Variants in TMEM63C observed in about 807,000 individuals in gnomAD.
TMEM63C encodes the protein osmosensitive cation channel TMEM63C.
In TMEM63C, 32 loss-of-function variants were observed where a neutral mutation model predicts 99.2. The ratio of observed to expected loss-of-function variants is 0.32; its 90% CI spans 0.24 to 0.43. The LOEUF (loss-of-function observed/expected upper bound fraction) is 0.43. Among genes scored for constraint, TMEM63C ranks in the 20% least tolerant of loss-of-function variants. The pLI is 1.00. For missense variants in TMEM63C, 826 were observed against 1,053.0 expected, an observed-to-expected ratio of 0.78 and a Z score of 2.98; for synonymous variants, 376 against 397.9, an observed-to-expected ratio of 0.94 and a Z score of 0.66.
At chr14:77,243,102 A>C in intron 15 of TMEM63C, 46 bp downstream of exon 15, 1 of 1,607,128 alleles carries the variant, frequency 6.2e-7, no homozygotes, top group Non-Finnish European at 8.5e-7. Flanking sequence ...AGGGAGATCA[A>C]GGAATAATTC....
rs1003229205 is a variant in TMEM63C at position 77,237,172 on chromosome 14, A to G, written c.651+440A>G. ...CCCAGGGACTCTTGGACTTCCCACC[A>G]TCTGAAAACTAAAGGATTAACAAGG... On this transcript the variant is annotated intron_variant, in intron 9 of 23. Coordinates refer to ENST00000298351, the MANE Select transcript of TMEM63C (RefSeq NM_020431.4). 2.6e-5 allele frequency among the ~76,000 whole-genome samples: 4 copies of G among 151,846 alleles called. No homozygotes were observed. In the Middle Eastern group the frequency reaches 0.01, roughly 387 times the overall value.
At position 77,212,962 on chromosome 14, in the gene TMEM63C, G is replaced by A. The variant is rs1327391058; in HGVS notation, c.-76-484G>A. On this transcript the variant is annotated intron_variant, in intron 1 of 23. Transcript: ENST00000298351. Reference sequence around the variant, plus strand: ...TCCTCTCCCTAACCCCAAAGGCTGGGATGTGAACTCCCTAGAGAGGACCTC... The same window carrying A: ...TCCTCTCCCTAACCCCAAAGGCTGGAATGTGAACTCCCTAGAGAGGACCTC... 4.6e-5 allele frequency among the ~76,000 whole-genome samples: 7 copies of A among 152,214 alleles called. No homozygotes were observed. The South Asian group carries it at 8.3e-4, about 18-fold the overall frequency.
At chr14:77,243,099 T>C (rs1421483082) in intron 15 of TMEM63C, 43 bp downstream of exon 15, 19 of 1,606,346 alleles carry the variant, frequency 1.2e-5, no homozygotes, top group Non-Finnish European at 1.6e-5. Flanking sequence ...CCCAGGGAGA[T>C]CAAGGAATAA....
chr14:77,241,367 C>A (rs1011379009), intron 13 of TMEM63C, among the ~76,000 whole-genome samples: 2 of 152,230 alleles, frequency 1.3e-5, no homozygotes, highest in Non-Finnish European at 2.9e-5. Flanking sequence ...CCTCTCTTCT[C>A]TGCCCCAGCC....
At chr14:77,245,765 C>T (rs552901252) in intron 16 of TMEM63C, among the ~76,000 whole-genome samples, 175 bp from the exon 17 acceptor site, 11 of 152,352 alleles carry the variant, frequency 7.2e-5, no homozygotes, top group Middle Eastern at 3.4e-3. Flanking sequence ...ATTCAATCAT[C>T]TCCCACTGGG....
At chr14:77,239,879 C>T (rs767852049) in intron 12 of TMEM63C, among the ~76,000 whole-genome samples, 153 bp downstream of exon 12, 3 of 152,194 alleles carry the variant, frequency 2.0e-5, no homozygotes, top group African/African-American at 4.8e-5. Context: ...TCCACCATGT[C>T]CTGCCTCCCT....
Position 77,218,825 on chromosome 14 carries a change from A to G in TMEM63C, c.12A>G (p.Ser4=). The part of the protein sequence containing the change: MSA[S]PDDLSTGGRL... Reference sequence around the variant, plus strand: ...GGGATCCTCCCAGGATGTCTGCCTCACCAGACGACCTGAGTACAGGGGGAA... The same window carrying G: ...GGGATCCTCCCAGGATGTCTGCCTCGCCAGACGACCTGAGTACAGGGGGAA... The change falls in exon 3 of 24, where the codon TCA becomes TCG. Residue 4 remains serine, a synonymous_variant. Coordinates refer to ENST00000298351, the MANE Select transcript of TMEM63C (RefSeq NM_020431.4). 6.2e-7 allele frequency: 1 copy of G among 1,613,296 alleles called. No individual in the cohort carries two copies. Among genetic ancestry groups the G allele is most frequent in the Non-Finnish European group, 8.5e-7 (1 of 1,179,642 alleles).
chr14:77,222,569 G>A (rs972962648), intron 5 of TMEM63C, among the ~76,000 whole-genome samples: 6 of 152,104 alleles, frequency 3.9e-5, no homozygotes, highest in Admixed American at 6.5e-5. Flanking sequence ...ATGCTGTGCC[G>A]TGGCCTGGTA....
intron 1 of TMEM63C, among the ~76,000 whole-genome samples, chr14:77,199,105 G>A (rs1465456192): frequency 6.6e-6 from 1 of 152,276 alleles, no homozygotes; most frequent in Middle Eastern, 3.4e-3. Context: ...GAAAGGGAGG[G>A]CAATCAGGGG....
At chr14:77,197,116 G>T (rs1888227737) in intron 1 of TMEM63C, among the ~76,000 whole-genome samples, 1 of 152,242 alleles carries the variant, frequency 6.6e-6, no homozygotes, top group Admixed American at 6.5e-5. Flanking sequence ...AGTCCAGGAA[G>T]CTTTCCAGAG....
intron 2 of TMEM63C, among the ~76,000 whole-genome samples, chr14:77,215,614 A>AAAAAAAAAAGAAAAG (rs772701077): frequency 2.4e-4 from 18 of 76,520 alleles, no homozygotes; most frequent in South Asian, 5.9e-4. Context: ...AAAAAAAAAA[A>AAAAAAAAAAGAAAAG]AAAAGAAAAG....
rs376603456 is a variant in TMEM63C, at chr14:77,246,686, C to T, written c.1601+12C>T. On this transcript the variant is annotated intron_variant, in intron 18 of 23. Coordinates refer to ENST00000298351, the MANE Select transcript of TMEM63C (RefSeq NM_020431.4). Reference sequence around the variant, plus strand: ...TCCATCAGGTTCCAGTGAGTACTCCCATGTGTCCACCAGGGCTGCTGTGTG... The same window carrying T: ...TCCATCAGGTTCCAGTGAGTACTCCTATGTGTCCACCAGGGCTGCTGTGTG... The T allele has an allele frequency of 3.7e-5, 59 of 1,609,792 alleles. No individual in the cohort carries two copies. The highest frequency in any genetic ancestry group is 4.5e-5 in the Non-Finnish European group (53 of 1,176,846).
chr14:77,224,367 A>G (rs1364153466), intron 5 of TMEM63C, among the ~76,000 whole-genome samples: 1 of 152,060 alleles, frequency 6.6e-6, no homozygotes, highest in Admixed American at 6.5e-5. Flanking sequence ...CCTCTTCCCC[A>G]GTCCATGTGG....
chr14:77,202,091 AG>A (rs1247070954), intron 1 of TMEM63C, among the ~76,000 whole-genome samples: 1 of 152,256 alleles, frequency 6.6e-6, no homozygotes, highest in Non-Finnish European at 1.5e-5. Context: ...GACACAACTA[AG>A]GGAGACCCTG....
At chr14:77,204,415 G>A (rs1313603753) in intron 1 of TMEM63C, among the ~76,000 whole-genome samples, 1 of 152,212 alleles carries the variant, frequency 6.6e-6, no homozygotes, top group Non-Finnish European at 1.5e-5. Flanking sequence ...TCCCTCTGTG[G>A]AAGGAGGGCT....
Position 77,251,887 on chromosome 14 carries a change from G to A in TMEM63C, c.2137G>A (p.Ala713Thr). The change falls in exon 22 of 24, where the codon GCC becomes ACC. Residue 713 changes from alanine (A) to threonine (T), a missense_variant. Ala to Thr is a moderately conservative substitution (Grantham distance 58, BLOSUM62 0). Transcript: ENST00000298351. ...TTTTCTGGGGAAGCTTCGGATGGTT[G>A]CCGACTACGAGGTGAGTTGCCAGCC... The part of the protein sequence containing the change: ...GIFLGKLRMV[A>T]DYEPEEEEIQ... The A allele has an allele frequency of 6.2e-7, 1 of 1,613,562 alleles. No homozygotes were observed. The highest frequency in any genetic ancestry group is 8.5e-7 in the Non-Finnish European group (1 of 1,179,460).
At chr14:77,220,163 A>C in intron 5 of TMEM63C, 76 bp downstream of exon 5, 3 of 1,378,996 alleles carry the variant, frequency 2.2e-6, no homozygotes, top group Non-Finnish European at 3.0e-6. Context: ...AGGAAGAAAC[A>C]CGGCTTAGAC....
In TMEM63C at chr14:77,220,050, C is replaced by T. The variant is rs1450667191; in HGVS notation, c.275C>T (p.Pro92Leu). Residue 92 changes from proline to leucine, a missense_variant, in exon 5 of 24, where the codon CCC becomes CTC. Pro to Leu is a moderately conservative substitution (Grantham distance 98, BLOSUM62 -3). Transcript: ENST00000298351. ...GGGGAGCAGAGCGAGAAGACATCTC[C>T]CTCGGAGACTTCCTTGGAGATGGAA... ...IYGEQSEKTS[P>L]SETSLEMERR... 6.4e-7 allele frequency: 1 copy of T among 1,561,866 alleles called. No individual in the cohort carries two copies. Among genetic ancestry groups the T allele is most frequent in the Non-Finnish European group, 8.7e-7 (1 of 1,152,924 alleles).
At chr14:77,246,547 G>A in intron 17 of TMEM63C, 62 bp from the exon 18 acceptor site, 1 of 1,451,446 alleles carries the variant, frequency 6.9e-7, no homozygotes, top group East Asian at 2.3e-5. Context: ...GAGGATGGTT[G>A]AACCCTCAGC....
Sources: gnomAD v4.1 joint callset for allele counts (sites outside exome capture counted in the v4.1 genomes callset) on GRCh38, gnomAD v4.1.1 for gene constraint, MANE v1.5 for transcripts, NCBI Gene and HGNC (gene_info 2026-07-23, HGNC 2026-07-21) for gene names.